The following NRG1 variants were observed in gnomAD, a reference collection of about 807,000 sequenced individuals.
The protein encoded by NRG1 is pro-neuregulin-1, membrane-bound isoform.
In NRG1, 18 loss-of-function variants were observed where a neutral mutation model predicts 63.8. The observed-to-expected ratio is 0.28, with a 90% CI of 0.19 to 0.42. The LOEUF (loss-of-function observed/expected upper bound fraction) is 0.42. NRG1 is among the 10% of genes least tolerant of loss of function. The pLI is 1.00. For synonymous variants in NRG1, 302 were observed against 301.3 expected (o/e 1.00, Z -0.02); for missense variants, 762 against 814.7 (o/e 0.94, Z 0.79).
At chr8:32,504,463 A>G (rs1828288920) in intron 1 of NRG1, among the ~76,000 whole-genome samples, 2 of 152,194 alleles carry the variant, frequency 1.3e-5, no homozygotes, top group South Asian at 4.1e-4. Context: ...AATACTTATA[A>G]GCGTTTTTTT....
At chr8:32,227,948 A>G (rs1846507728) in intron 1 of NRG1, among the ~76,000 whole-genome samples, 1 of 152,230 alleles carries the variant, frequency 6.6e-6, no homozygotes, top group Admixed American at 6.5e-5. Flanking sequence ...ATACAGGTAT[A>G]CAAGTTGTTA....
At chr8:32,634,118 A>AAAAAAAAAAAAAAAAAAAAAAAAT (rs1850869778) in intron 5 of NRG1, among the ~76,000 whole-genome samples, 1 of 150,188 alleles carries the variant, frequency 6.7e-6, no homozygotes, top group African/African-American at 2.5e-5. Context: ...AAAAAAAAAA[A>AAAAAAAAAAAAAAAAAAAAAAAAT]GGTTGCATAA....
intron 1 of NRG1, among the ~76,000 whole-genome samples, chr8:32,260,170 A>C (rs1384218263): frequency 1.3e-5 from 2 of 152,184 alleles, no homozygotes; most frequent in Non-Finnish European, 2.9e-5. Context: ...TAAAACAACT[A>C]TATATCCTCA....
At chr8:31,987,018 G>C (rs1810176869) in intron 1 of NRG1, among the ~76,000 whole-genome samples, 1 of 152,016 alleles carries the variant, frequency 6.6e-6, no homozygotes, top group South Asian at 2.1e-4. Context: ...TATTAGTGTT[G>C]GCTGAGCATG....
intron 5 of NRG1, among the ~76,000 whole-genome samples, chr8:32,694,996 A>T (rs1812880335): frequency 6.6e-6 from 1 of 152,170 alleles, no homozygotes; most frequent in African/African-American, 2.4e-5. Context: ...GTGAGAGCGG[A>T]TGAAATTTTA....
At chr8:32,125,827 A>G (rs1834001312) in intron 1 of NRG1, among the ~76,000 whole-genome samples, 1 of 152,002 alleles carries the variant, frequency 6.6e-6, no homozygotes, top group Non-Finnish European at 1.5e-5. Context: ...TGATTGTATC[A>G]TAACTTAGTT....
chr8:32,745,480 A>AAAC (rs1158522685), intron 7 of NRG1, among the ~76,000 whole-genome samples: 3 of 152,192 alleles, frequency 2.0e-5, no homozygotes, highest in Non-Finnish European at 4.4e-5. Flanking sequence ...TGATTTATAA[A>AAAC]AACTGACTTA....
intron 5 of NRG1, among the ~76,000 whole-genome samples, chr8:32,687,209 G>C (rs543278370): frequency 6.6e-6 from 1 of 152,196 alleles, no homozygotes; most frequent in African/African-American, 2.4e-5. Flanking sequence ...AATATAAAAT[G>C]TGTTCTTATT....
chr8:31,757,558 A>T (rs1817096726), intron 1 of NRG1, among the ~76,000 whole-genome samples: 1 of 152,114 alleles, frequency 6.6e-6, no homozygotes, highest in Non-Finnish European at 1.5e-5. Flanking sequence ...CAGCCTAGAA[A>T]AATGCCACAC....
intron 1 of NRG1, among the ~76,000 whole-genome samples, chr8:31,757,847 A>G (rs994992934): frequency 1.3e-5 from 2 of 152,140 alleles, no homozygotes. Context: ...ACAAAACTTC[A>G]TTAAGATACA....
At chr8:31,944,706 G>A (rs1392969017) in intron 1 of NRG1, among the ~76,000 whole-genome samples, 1 of 140,560 alleles carries the variant, frequency 7.1e-6, no homozygotes, top group Non-Finnish European at 1.5e-5. Flanking sequence ...TCCGAAGAGA[G>A]CAAGTAATAA....
intron 5 of NRG1, among the ~76,000 whole-genome samples, chr8:32,629,947 C>T (rs1849982840): frequency 6.6e-6 from 1 of 152,078 alleles, no homozygotes; most frequent in South Asian, 2.1e-4. Flanking sequence ...TTTTAATAAG[C>T]ATCTACTATG....
intron 1 of NRG1, among the ~76,000 whole-genome samples, chr8:31,893,053 A>G (rs1056423101): frequency 1.3e-5 from 2 of 151,766 alleles, no homozygotes; most frequent in Non-Finnish European, 2.9e-5. Context: ...AAAAAACCCT[A>G]AGAGTATAAA....
intron 1 of NRG1, among the ~76,000 whole-genome samples, chr8:32,541,487 G>T (rs1240821350): frequency 1.4e-5 from 2 of 140,980 alleles, no homozygotes; most frequent in African/African-American, 5.3e-5. Flanking sequence ...TCTACCAGGT[G>T]TCTCTTATGG....
At chr8:31,893,369 AT>A (rs1831303078) in intron 1 of NRG1, among the ~76,000 whole-genome samples, 1 of 151,614 alleles carries the variant, frequency 6.6e-6, no homozygotes, top group Non-Finnish European at 1.5e-5. Flanking sequence ...GAAAGTAAAT[AT>A]GTTCTCCTTA....
At chr8:31,804,469 C>T (rs1480294292) in intron 1 of NRG1, among the ~76,000 whole-genome samples, 2 of 152,158 alleles carry the variant, frequency 1.3e-5, no homozygotes, top group African/African-American at 4.8e-5. Flanking sequence ...ACCTCTCAGG[C>T]CTGCTCCTCT....
intron 1 of NRG1, among the ~76,000 whole-genome samples, chr8:32,302,559 A>T (rs922193490): frequency 9.0e-5 from 13 of 144,032 alleles, no homozygotes; most frequent in African/African-American, 3.4e-4. Flanking sequence ...TTGACTATTG[A>T]CTCACTATTT....
chr8:31,890,487 C>T (rs1831061231), intron 1 of NRG1, among the ~76,000 whole-genome samples: 2 of 152,072 alleles, frequency 1.3e-5, no homozygotes, highest in African/African-American at 4.8e-5. Flanking sequence ...GTTTAGGAAG[C>T]TAAGTGTCTG....
At chr8:32,298,031 A>G (rs1283574847) in intron 1 of NRG1, among the ~76,000 whole-genome samples, 1 of 152,252 alleles carries the variant, frequency 6.6e-6, no homozygotes, top group African/African-American at 2.4e-5. Context: ...CTTAAATAAA[A>G]TGTTTTAAAA....
Sources: allele counts gnomAD v4.1 joint callset (sites outside exome capture counted in the v4.1 genomes callset), GRCh38; gene constraint gnomAD v4.1.1; transcripts MANE v1.5; gene names NCBI Gene and HGNC (gene_info 2026-07-23, HGNC 2026-07-21).